The following ING1 variants were observed in gnomAD, a reference collection of about 807,000 sequenced individuals.
The protein encoded by ING1 is inhibitor of growth family member 1.
In ING1, 4 loss-of-function variants were observed where a neutral mutation model predicts 23.1. That is an observed-to-expected ratio of 0.17 (90% CI 0.09 to 0.40). ING1 has a LOEUF of 0.40. Among genes scored for constraint, ING1 ranks in the 10% least tolerant of loss-of-function variants. The pLI is 1.00. For missense variants in ING1, 256 were observed against 393.8 expected (o/e 0.65, Z 2.96); for synonymous variants, 179 against 166.4 (o/e 1.08, Z -0.58).
intron 1 of ING1, chr13:110,715,807 G>T (rs529446573): frequency 6.9e-6 from 11 of 1,584,984 alleles, no homozygotes; most frequent in South Asian, 1.1e-5. Context: ...GGCCTGGCGG[G>T]TGTCGCCCCG....
In ING1 at chr13:110,719,674, G is replaced by C. The variant is rs768754146; in HGVS notation, c.582G>C (p.Ala194=). ...SKKKKRSKAK[A]EREASPADLP... is the part of the protein sequence containing the mutation. Reference sequence around the variant, plus strand: ...AGAAGAAGCGCTCCAAGGCCAAGGCGGAGCGAGAGGCGTCCCCTGCCGACC... The same window carrying C: ...AGAAGAAGCGCTCCAAGGCCAAGGCCGAGCGAGAGGCGTCCCCTGCCGACC... The change falls in exon 2 of 2, where the codon GCG becomes GCC. Residue 194 remains alanine (A), a synonymous_variant. Transcript: ENST00000333219. The surrounding 1 kb of genome is among the most constrained non-coding windows in gnomAD (Gnocchi z 8.9). 1 of 1,613,800 alleles carries C rather than the reference G, an allele frequency of 6.2e-7. No individual in the cohort carries two copies. The highest frequency in any genetic ancestry group is 8.5e-7 in the Non-Finnish European group (1 of 1,179,946).
At position 110,713,976 on chromosome 13, in the gene ING1, C is replaced by T. The variant is rs2064074917; in HGVS notation, c.-174C>T. 3 of 1,083,492 alleles carry T rather than the reference C, an allele frequency of 2.8e-6. No individual in the cohort carries two copies. Among genetic ancestry groups the T allele is most frequent in the African/African-American group, 3.4e-5 (2 of 59,678 alleles). 67.1% of individuals were successfully genotyped at this position (1,083,492 alleles called of 1,614,324 possible). A position where few individuals can be genotyped will look rare whatever the true frequency, so the allele number is the denominator to read the frequency against. Reference sequence around the variant, plus strand: ...CCTCAGGCGCTGGGGTCCCCGCGGACCCGGAGGCGGCGGACGGGCTCGGCA... The same window carrying T: ...CCTCAGGCGCTGGGGTCCCCGCGGATCCGGAGGCGGCGGACGGGCTCGGCA... On this transcript the variant is annotated 5_prime_UTR_variant, in exon 1 of 2. Coordinates refer to ENST00000333219, the MANE Select transcript of ING1 (RefSeq NM_198219.3).
chr13:110,721,468 T>G lies in ING1; in HGVS notation c.*1536T>G, dbSNP rs1350544655. On this transcript the variant is annotated 3_prime_UTR_variant, in exon 2 of 2. Coordinates refer to ENST00000333219, the MANE Select transcript of ING1 (RefSeq NM_198219.3). ...TAGAGACGCGGTTTCTCCATGTTGG[T>G]CATGGCTGGTCTCGCACTCCCGACC... 1 of 152,144 alleles carries G rather than the reference T, an allele frequency of 6.6e-6. No individual in the cohort carries two copies. Among genetic ancestry groups the G allele is most frequent in the East Asian group, 1.9e-4 (1 of 5,186 alleles). The allele number at this position is 152,144 out of a possible 1,614,324, so 9.4% of individuals were successfully genotyped here.
At chr13:110,712,898 A>C (rs374662276), upstream of ING1, 4 of 1,506,236 alleles carry the variant, frequency 2.7e-6, no homozygotes, top group East Asian at 2.4e-5. Context: ...GGGAGACGAC[A>C]CAAAGGGAGG....
At chr13:110,714,851 C>G (rs916634998) in intron 1 of ING1, 3 of 439,674 alleles carry the variant, frequency 6.8e-6, no homozygotes, top group African/African-American at 2.1e-5. Flanking sequence ...CCCCGCCCAG[C>G]CCCCTCCGGC....
At chr13:110,714,781 C>G (rs2064089818) in intron 1 of ING1, among the ~76,000 whole-genome samples, 1 of 152,210 alleles carries the variant, frequency 6.6e-6, no homozygotes, top group African/African-American at 2.4e-5. Flanking sequence ...CCCACTCAGT[C>G]CCGAATCTGA....
chr13:110,721,903 G>A lies in ING1; in HGVS notation c.*1971G>A, dbSNP rs1236526766. ...GTGGTTCCCTTTAACTTCGCACATG[G>A]TAAAATCAGTTTCTTTCCATGATCT... On this transcript the variant is annotated 3_prime_UTR_variant, in exon 2 of 2. Coordinates refer to ENST00000333219, the MANE Select transcript of ING1 (RefSeq NM_198219.3). 6.6e-6 allele frequency: 1 copy of A among 152,176 alleles called. No homozygotes were observed. Among genetic ancestry groups the A allele is most frequent in the Non-Finnish European group, 1.5e-5 (1 of 68,036 alleles). 9.4% of individuals were successfully genotyped at this position (152,176 alleles called of 1,614,324 possible).
At position 110,715,817 on chromosome 13, in the gene ING1, G is replaced by T. The variant is rs7338333; in HGVS notation, c.136+1532G>T. On this transcript the variant is annotated intron_variant, in intron 1 of 1. Transcript: ENST00000333219. ...CTGGAGGCCTGGCGGGTGTCGCCCC[G>T]GCCCCTCTCCCCGCTCAGCCCGGCC... 1.1e-4 allele frequency: 169 copies of T among 1,580,638 alleles called. No individual in the cohort carries two copies. The African/African-American group carries it at 2.1e-3, about 19-fold the overall frequency.
rs1311385793 is a variant in ING1 at position 110,720,473 on chromosome 13, G to A, written c.*541G>A. 1 of 166,898 alleles carries A rather than the reference G, an allele frequency of 6.0e-6. No individual in the cohort carries two copies. The highest frequency in any genetic ancestry group is 1.5e-5 in the Non-Finnish European group (1 of 68,088). The allele number at this position is 166,898 out of a possible 1,614,324, so 10.3% of individuals were successfully genotyped here. A position where few individuals can be genotyped will look rare whatever the true frequency, so the allele number is the denominator to read the frequency against. ...TTACATGACAGATATTTTATCTATT[G>A]GCCTGTTCCCCAAATGGCCATTTTA... On this transcript the variant is annotated 3_prime_UTR_variant, in exon 2 of 2. Transcript: ENST00000333219.
At chr13:110,715,357 C>T (rs371161245) in intron 1 of ING1, 4 of 1,484,760 alleles carry the variant, frequency 2.7e-6, no homozygotes, top group East Asian at 2.3e-5. Context: ...GCGTTCTATC[C>T]GAGACGTAGC....
chr13:110,713,763 G>C lies in ING1; in HGVS notation c.-387G>C. 1 of 985,072 alleles carries C rather than the reference G, an allele frequency of 1.0e-6. No individual in the cohort carries two copies. The highest frequency in any genetic ancestry group is 1.2e-6 in the Non-Finnish European group (1 of 829,834). 61.0% of individuals were successfully genotyped at this position (985,072 alleles called of 1,614,324 possible). Reference sequence around the variant, plus strand: ...CGGAGCGCGCCCCTTCCCGCTGCCCGCTCCGCTCCTCTCTTCTACCCAGCC... The same window carrying C: ...CGGAGCGCGCCCCTTCCCGCTGCCCCCTCCGCTCCTCTCTTCTACCCAGCC... On this transcript the variant is annotated 5_prime_UTR_variant, in exon 1 of 2. Transcript: ENST00000333219.
At chr13:110,716,521 C>A (rs1156995623) in intron 1 of ING1, among the ~76,000 whole-genome samples, 1 of 152,160 alleles carries the variant, frequency 6.6e-6, no homozygotes, top group African/African-American at 2.4e-5. Flanking sequence ...TATGTTAATT[C>A]ATAAACTTGG....
chr13:110,716,100 G>A, intron 1 of ING1: 2 of 1,336,654 alleles, frequency 1.5e-6, no homozygotes, highest in Non-Finnish European at 2.0e-6. Flanking sequence ...GCCCCGTGGG[G>A]TGACCCTGGG....
intron 1 of ING1, chr13:110,715,361 A>C: frequency 6.7e-7 from 1 of 1,489,514 alleles, no homozygotes; most frequent in Non-Finnish European, 8.9e-7. Flanking sequence ...TCTATCCGAG[A>C]CGTAGCTTCG....
At position 110,720,448 on chromosome 13, in the gene ING1, T is replaced by G. The variant is rs2139977617; in HGVS notation, c.*516T>G. 1 of 167,206 alleles carries G rather than the reference T, an allele frequency of 6.0e-6. No individual in the cohort carries two copies. Among genetic ancestry groups the G allele is most frequent in the Middle Eastern group, 3.4e-3 (1 of 296 alleles). The allele number at this position is 167,206 out of a possible 1,614,324, so 10.4% of individuals were successfully genotyped here. ...TTTTAAAAAGGTAAATGGTTAAATTTTACATGACAGATATTTTATCTATTG... is the reference window on the plus strand; with the variant it reads ...TTTTAAAAAGGTAAATGGTTAAATTGTACATGACAGATATTTTATCTATTG... On this transcript the variant is annotated 3_prime_UTR_variant, in exon 2 of 2. Transcript: ENST00000333219.
rs1326515714 is a variant in ING1 at position 110,722,740 on chromosome 13, C to T, written c.*2808C>T. 2 of 152,048 alleles carry T rather than the reference C, an allele frequency of 1.3e-5. No individual in the cohort carries two copies. Among genetic ancestry groups the T allele is most frequent in the African/African-American group, 2.4e-5 (1 of 41,380 alleles). The allele number at this position is 152,048 out of a possible 1,614,324, so 9.4% of individuals were successfully genotyped here. On this transcript the variant is annotated 3_prime_UTR_variant, in exon 2 of 2. Transcript: ENST00000333219. ...TCTCATAAGGACAGGTGGGTAGCCA[C>T]TTATTCTTTAAAAAAAAATAGATAC...
In ING1 at chr13:110,719,193, C is replaced by T. The variant is rs1264750451; in HGVS notation, c.137-36C>T. The T allele has an allele frequency of 2.5e-6, 4 of 1,603,534 alleles. No homozygotes were observed. The highest frequency in any genetic ancestry group is 1.7e-4 in the Middle Eastern group (1 of 6,014). ...GGGCCGTGTGGGTTGTCCCGGTGTC[C>T]TGCTCGCGAGTGACGCCTGTCCTTC... On this transcript the variant is annotated intron_variant, in intron 1 of 1. Transcript: ENST00000333219. This position sits in a 1 kb window ranked among gnomAD's most constrained non-coding sequence, Gnocchi z 8.9.
At chr13:110,717,242 G>A (rs1331466668) in intron 1 of ING1, among the ~76,000 whole-genome samples, 1 of 152,130 alleles carries the variant, frequency 6.6e-6, no homozygotes, top group Non-Finnish European at 1.5e-5. Flanking sequence ...ACTTGGATAC[G>A]TTGAACACAG....
intron 1 of ING1, among the ~76,000 whole-genome samples, chr13:110,717,055 T>C (rs2064129842): frequency 6.6e-6 from 1 of 152,232 alleles, no homozygotes; most frequent in Non-Finnish European, 1.5e-5. Flanking sequence ...AAATAACTTC[T>C]GTGTTATTAA....
Sources: gnomAD v4.1 joint callset for allele counts (sites outside exome capture counted in the v4.1 genomes callset) on GRCh38, gnomAD v4.1.1 for gene constraint, Gnocchi (gnomAD v3.1) non-coding constraint, MANE v1.5 for transcripts, NCBI Gene and HGNC (gene_info 2026-07-23, HGNC 2026-07-21) for gene names.